The following MZT2B variants were observed in gnomAD, a reference collection of about 807,000 sequenced individuals.
MZT2B encodes mitotic spindle organizing protein 2B.
MZT2B carries 11 observed loss-of-function variants against 12.1 expected under a neutral mutation model. The observed-to-expected ratio is 0.91, with a 90% CI of 0.57 to 1.50. MZT2B has a LOEUF of 1.50. MZT2B is among the 40% of genes most tolerant of loss of function. MZT2B has a pLI of 0.00. For missense variants in MZT2B, 209 were observed against 227.7 expected, an observed-to-expected ratio of 0.92 and a Z score of 0.53; for synonymous variants, 85 against 109.5, an observed-to-expected ratio of 0.78 and a Z score of 1.40.
Position 130,182,273 on chromosome 2 carries a change from G to T in MZT2B, c.-10G>T. The T allele has an allele frequency of 1.5e-6, 2 of 1,308,218 alleles. No individual in the cohort carries two copies. Among genetic ancestry groups the T allele is most frequent in the Non-Finnish European group, 1.9e-6 (2 of 1,037,708 alleles). The allele number at this position is 1,308,218 out of a possible 1,614,324, so 81.0% of individuals were successfully genotyped here. A position where few individuals can be genotyped will look rare whatever the true frequency, so the allele number is the denominator to read the frequency against. ...GCGGGGCGGAGCGCACCTTTCCGCG[G>T]GCCGCGGGGATGGCGGCGCAGGGCG... On this transcript the variant is annotated 5_prime_UTR_variant, in exon 1 of 3. Coordinates refer to ENST00000281871, the MANE Select transcript of MZT2B (RefSeq NM_025029.5).
downstream of MZT2B, among the ~76,000 whole-genome samples, chr2:130,191,449 G>T (rs1179292332): frequency 2.6e-5 from 4 of 152,162 alleles, no homozygotes; most frequent in Admixed American, 6.5e-5. Context: ...AACACTTCAT[G>T]CTCCCTTTTA....
At chr2:130,182,034 T>C (rs1689699517), upstream of MZT2B, 2 of 1,347,788 alleles carry the variant, frequency 1.5e-6, no homozygotes, top group Admixed American at 3.1e-5. Flanking sequence ...GAGGCCCAGA[T>C]CGCCAAGCAG....
the MZT2B span, among the ~76,000 whole-genome samples, chr2:130,202,823 C>T: frequency 1.2e-4 from 19 of 152,274 alleles, no homozygotes; most frequent in South Asian, 3.9e-3. Context: ...CACGCTGCGC[C>T]TGACACCAGT....
At chr2:130,194,201 C>T (rs201354741), downstream of MZT2B, 77 of 1,612,768 alleles carry the variant, frequency 4.8e-5, no homozygotes, top group Middle Eastern at 1.8e-4. Flanking sequence ...CAGGTTGCGC[C>T]GACATATGTC....
At chr2:130,188,352 C>G (rs1690136889) in intron 2 of MZT2B, 2 of 167,232 alleles carry the variant, frequency 1.2e-5, no homozygotes, top group South Asian at 4.1e-4. Context: ...AGGATGCTGG[C>G]CCAGTGTGGG....
At chr2:130,185,610 G>A (rs1426840590) in intron 2 of MZT2B, among the ~76,000 whole-genome samples, 1 of 115,494 alleles carries the variant, frequency 8.7e-6, no homozygotes, top group Non-Finnish European at 1.9e-5. Context: ...AGCCCCACAC[G>A]TGTGAGCTGG....
the MZT2B span, among the ~76,000 whole-genome samples, chr2:130,204,645 C>A: frequency 7.0e-6 from 1 of 142,400 alleles, no homozygotes; most frequent in Admixed American, 7.3e-5. Flanking sequence ...GAGCCAAGAT[C>A]ATGCCACTGC....
At chr2:130,196,480 G>C in the MZT2B span, 5 of 1,445,274 alleles carry the variant, frequency 3.5e-6, no homozygotes, top group African/African-American at 7.2e-5. Flanking sequence ...AGTATCTGGC[G>C]CTTTCACAAT....
downstream of MZT2B, among the ~76,000 whole-genome samples, chr2:130,193,454 C>G (rs1690319128): frequency 6.8e-6 from 1 of 146,400 alleles, no homozygotes; most frequent in South Asian, 2.2e-4. Context: ...ACTAAAAATA[C>G]AAAAATTAGC....
chr2:130,201,326 A>C, the MZT2B span, among the ~76,000 whole-genome samples: 7 of 152,308 alleles, frequency 4.6e-5, no homozygotes, highest in South Asian at 1.2e-3. Context: ...TGAGTGGCTT[A>C]AACAGCAGGG....
upstream of MZT2B, chr2:130,182,170 C>T (rs1039879877): frequency 9.0e-5 from 114 of 1,267,770 alleles, no homozygotes; most frequent in Middle Eastern, 1.9e-3. Context: ...GCTCCCGCCC[C>T]TCCCGCCAGG....
upstream of MZT2B, chr2:130,181,898 T>TC: frequency 6.1e-6 from 9 of 1,465,480 alleles, no homozygotes; most frequent in Non-Finnish European, 8.2e-6. Context: ...CCCCTAGTGG[T>TC]GCACCGGTGC....
chr2:130,195,086 C>A (rs766077530), downstream of MZT2B: 22 of 1,612,486 alleles, frequency 1.4e-5, no homozygotes, highest in Admixed American at 3.3e-5. Flanking sequence ...TACCAGTTTG[C>A]GGATCCGGTC....
chr2:130,203,821 T>TAACTAGAATAAA, the MZT2B span, among the ~76,000 whole-genome samples: 7 of 151,932 alleles, frequency 4.6e-5, no homozygotes, highest in African/African-American at 1.7e-4. Flanking sequence ...CTAGATTGAG[T>TAACTAGAATAAA]GCCCAAATGC....
At chr2:130,184,321 T>C (rs1689967029) in intron 2 of MZT2B, 2 of 985,436 alleles carry the variant, frequency 2.0e-6, no homozygotes, top group South Asian at 4.7e-5. Flanking sequence ...CACCTCGGCC[T>C]CTTAGAAGTT....
chr2:130,198,518 C>G, the MZT2B span: 4 of 901,676 alleles, frequency 4.4e-6, 1 homozygote, highest in South Asian at 7.6e-5. Context: ...GGAGGCAGGC[C>G]GAGGGCCGGA....
At chr2:130,201,054 G>A in the MZT2B span, among the ~76,000 whole-genome samples, 31 of 152,260 alleles carry the variant, frequency 2.0e-4, no homozygotes, top group African/African-American at 5.1e-4. Flanking sequence ...CCTCCTGAGA[G>A]GAGAGCAGAG....
chr2:130,201,665 C>G, the MZT2B span, among the ~76,000 whole-genome samples: 1 of 152,308 alleles, frequency 6.6e-6, no homozygotes, highest in Admixed American at 6.5e-5. Flanking sequence ...CAGCTGTAGC[C>G]CACATCACAC....
chr2:130,193,672 C>T (rs1013770858), downstream of MZT2B: 6 of 1,316,576 alleles, frequency 4.6e-6, no homozygotes, highest in Non-Finnish European at 6.2e-6. Flanking sequence ...CTTATGCCCA[C>T]ATGCCTAGCC....
Sources: allele counts gnomAD v4.1 joint callset (sites outside exome capture counted in the v4.1 genomes callset), GRCh38; gene constraint gnomAD v4.1.1; transcripts MANE v1.5; gene names NCBI Gene and HGNC (gene_info 2026-07-23, HGNC 2026-07-21).